The following GBA2 variants were observed in gnomAD, a reference collection of about 807,000 sequenced individuals.
The protein encoded by GBA2 is glucosylceramidase beta 2.
GBA2 carries 79 observed loss-of-function variants against 112.9 expected under a neutral mutation model. That is an observed-to-expected ratio of 0.70 (90% CI 0.58 to 0.84). GBA2 has a LOEUF of 0.84. GBA2 is among the 40% of genes least tolerant of loss of function. The pLI is 0.00. For synonymous variants in GBA2, 403 were observed against 434.3 expected (o/e 0.93, Z 0.90); for missense variants, 1,043 against 1,190.0 (o/e 0.88, Z 1.82).
In GBA2 at chr9:35,740,196, T is replaced by A. The variant is rs1826565188; in HGVS notation, c.1283+13A>T. ...CAGCACTCTGGATCCTTACACTTTC[T>A]TGGTCCCCTCACCTGTAGTGGACTT... On this transcript the variant is annotated intron_variant, in intron 7 of 16. Coordinates refer to ENST00000378103, the MANE Select transcript of GBA2 (RefSeq NM_020944.3). The surrounding 1 kb of genome is among the most constrained non-coding windows in gnomAD (Gnocchi z 4.7). 6.2e-7 allele frequency: 1 copy of A among 1,614,070 alleles called. No individual in the cohort carries two copies. Among genetic ancestry groups the A allele is most frequent in the Non-Finnish European group, 8.5e-7 (1 of 1,179,950 alleles).
chr9:35,744,361 C>G lies in GBA2; in HGVS notation c.503G>C (p.Gly168Ala). ...GGGTITRGWR[G>A]QFCRWQLNPG... Reference sequence around the variant, plus strand: ...GTTAAGCTGCCAACGACAGAACTGGCCTCTCCAGCCACGGGTAATAGTGCC... The same window carrying G: ...GTTAAGCTGCCAACGACAGAACTGGGCTCTCCAGCCACGGGTAATAGTGCC... Residue 168 changes from glycine (G) to alanine (A), a missense_variant, in exon 3 of 17, where the codon GGC (glycine) becomes GCC (alanine). By Grantham distance (60) the Gly-to-Ala change is moderately conservative (BLOSUM62 0). Transcript: ENST00000378103. 1 of 1,613,564 alleles carries G rather than the reference C, an allele frequency of 6.2e-7. No homozygotes were observed. Among genetic ancestry groups the G allele is most frequent in the Non-Finnish European group, 8.5e-7 (1 of 1,179,492 alleles).
At position 35,738,218 on chromosome 9, in the gene GBA2, C is replaced by A; in HGVS notation, c.2197+14G>T. 2 of 1,614,124 alleles carry A rather than the reference C, an allele frequency of 1.2e-6. No homozygotes were observed. Among genetic ancestry groups the A allele is most frequent in the Non-Finnish European group, 1.7e-6 (2 of 1,179,984 alleles). ...CTCAGCTGCCTTAAGACTACTTAGGCTCCCCGAACTCACCATTCCACAGCA... is the reference window on the plus strand; with the variant it reads ...CTCAGCTGCCTTAAGACTACTTAGGATCCCCGAACTCACCATTCCACAGCA... On this transcript the variant is annotated intron_variant, in intron 14 of 16. Transcript: ENST00000378103.
In GBA2 at chr9:35,739,315, C is replaced by T. The variant is rs1826481692; in HGVS notation, c.1687G>A (p.Ala563Thr). 1 of 1,597,768 alleles carries T rather than the reference C, an allele frequency of 6.3e-7. No individual in the cohort carries two copies. Among genetic ancestry groups the T allele is most frequent in the Non-Finnish European group, 8.6e-7 (1 of 1,165,176 alleles). ...GAAGCGGCACAAAAGGGATCCTCAC[C>T]CATGTCATACTGTAGGCTGAGCTCA... ...KLELSLQYDM[A>T]LATLREDLTR... The change falls in exon 10 of 17, where the codon GCT becomes ACT. Residue 563 changes from alanine to threonine, a missense_variant and splice_region_variant. Ala to Thr is a moderately conservative substitution (Grantham distance 58, BLOSUM62 0). Coordinates refer to ENST00000378103, the MANE Select transcript of GBA2 (RefSeq NM_020944.3).
chr9:35,741,117 C>T lies in GBA2; in HGVS notation c.787-53G>A. The T allele has an allele frequency of 6.2e-7, 1 of 1,600,722 alleles. No individual in the cohort carries two copies. The highest frequency in any genetic ancestry group is 1.7e-4 in the Middle Eastern group (1 of 6,026). On this transcript the variant is annotated intron_variant, in intron 4 of 16. Transcript: ENST00000378103. The surrounding 1 kb of genome is among the most constrained non-coding windows in gnomAD (Gnocchi z 4.6). ...GTCCCAGTAGAGCGCCTCCTGACCC[C>T]ACTCTGCTAGGATCAGTCCTGGGCA...
Position 35,741,461 on chromosome 9 carries a change from A to ATT in GBA2, c.786+209_786+210dup. The ATT allele has an allele frequency of 5.8e-5, 26 of 449,638 alleles. No individual in the cohort carries two copies. The highest frequency in any genetic ancestry group is 7.3e-5 in the Admixed American group (2 of 27,562). The allele number at this position is 449,638 out of a possible 1,614,324, so 27.9% of individuals were successfully genotyped here. A position where few individuals can be genotyped will look rare whatever the true frequency, so the allele number is the denominator to read the frequency against. Reference sequence around the variant, plus strand: ...AGGTGCCTGCCACAACGCCCAGCTAATTTTTTTTTTTGTATTTTTAGTAGA... The same window carrying ATT: ...AGGTGCCTGCCACAACGCCCAGCTAATTTTTTTTTTTTTGTATTTTTAGTAGA... On this transcript the variant is annotated intron_variant, in intron 4 of 16. Coordinates refer to ENST00000378103, the MANE Select transcript of GBA2 (RefSeq NM_020944.3). This position sits in a 1 kb window ranked among gnomAD's most constrained non-coding sequence, Gnocchi z 4.6.
chr9:35,740,278 C>A lies in GBA2; in HGVS notation c.1214G>T (p.Arg405Leu), dbSNP rs138013344. The A allele has an allele frequency of 6.2e-7, 1 of 1,614,102 alleles. No homozygotes were observed. The highest frequency in any genetic ancestry group is 8.5e-7 in the Non-Finnish European group (1 of 1,179,986). Residue 405 changes from arginine to leucine, a missense_variant, in exon 7 of 17, where the codon CGC becomes CTC. Physicochemically the swap from Arg to Leu is moderately radical, Grantham distance 102. Transcript: ENST00000378103. The surrounding 1 kb of genome is among the most constrained non-coding windows in gnomAD (Gnocchi z 4.7). Reference sequence around the variant, plus strand: ...GTCCCAAGCCAGTGAAAACTCCAGGCGGCACTGGCCTCGAGGTCGCAACTT... The same window carrying A: ...GTCCCAAGCCAGTGAAAACTCCAGGAGGCACTGGCCTCGAGGTCGCAACTT... ...SSKLRPRGQC[R>L]LEFSLAWDMP...
At position 35,738,603 on chromosome 9, in the gene GBA2, G is replaced by A. The variant is rs1049791448; in HGVS notation, c.1977C>T (p.Asp659=). 1 of 1,613,778 alleles carries A rather than the reference G, an allele frequency of 6.2e-7. No homozygotes were observed. Among genetic ancestry groups the A allele is most frequent in the Non-Finnish European group, 8.5e-7 (1 of 1,179,674 alleles). The change falls in exon 13 of 17, where the codon GAC becomes GAT. Residue 659 remains aspartate, a synonymous_variant. Coordinates refer to ENST00000378103, the MANE Select transcript of GBA2 (RefSeq NM_020944.3). ...TTTCAATGAGTCCATCATGGTCCTTGTCAAACTTCATTTCAGATTCCATCA... is the reference window on the plus strand; with the variant it reads ...TTTCAATGAGTCCATCATGGTCCTTATCAAACTTCATTTCAGATTCCATCA... ...LAVMESEMKF[D]KDHDGLIENG... is the part of the protein sequence containing the mutation.
At position 35,738,638 on chromosome 9, in the gene GBA2, G is replaced by A; in HGVS notation, c.1948-6C>T. On this transcript the variant is annotated splice_polypyrimidine_tract_variant and splice_region_variant and intron_variant, in intron 12 of 16. Coordinates refer to ENST00000378103, the MANE Select transcript of GBA2 (RefSeq NM_020944.3). ...ATTTCAGATTCCATCACAGCCTAGAGAGGGACCAAGATGTTGAAGACCTAG... is the reference window on the plus strand; with the variant it reads ...ATTTCAGATTCCATCACAGCCTAGAAAGGGACCAAGATGTTGAAGACCTAG... 6.2e-7 allele frequency: 1 copy of A among 1,609,266 alleles called. No individual in the cohort carries two copies. The highest frequency in any genetic ancestry group is 8.5e-7 in the Non-Finnish European group (1 of 1,175,560).
Position 35,748,530 on chromosome 9 carries a change from A to C in GBA2, c.175T>G (p.Cys59Gly), listed in dbSNP as rs1056543949. ...EDSRPPKETD[C>G]CNPEDSGQLM... is the part of the protein sequence containing the mutation. ...TGCCCAGAGTCCTCCGGATTGCAGC[A>C]GTCCGTCTCTTTTGGGGGTCGGCTG... The change falls in exon 1 of 17, where the codon TGC (cysteine) becomes GGC (glycine). Residue 59 changes from cysteine to glycine, a missense_variant. Physicochemically the swap from Cys to Gly is radical, Grantham distance 159. Transcript: ENST00000378103. The C allele has an allele frequency of 1.2e-6, 2 of 1,614,114 alleles. No homozygotes were observed. Among genetic ancestry groups the C allele is most frequent in the Admixed American group, 3.3e-5 (2 of 60,004 alleles).
chr9:35,744,994 G>A (rs1364986951), intron 1 of GBA2, among the ~76,000 whole-genome samples: 1 of 152,096 alleles, frequency 6.6e-6, no homozygotes, highest in Non-Finnish European at 1.5e-5. Flanking sequence ...TCCAACATCA[G>A]GAGCTTCTGT....
rs1178024751 is a variant in GBA2, at chr9:35,746,044, C to T, written c.360-1338G>A. On this transcript the variant is annotated intron_variant, in intron 1 of 16. Transcript: ENST00000378103. The surrounding 1 kb of genome is among the most constrained non-coding windows in gnomAD (Gnocchi z 5.2). ...ATTACTCATATATACAAACTGTTAT[C>T]TCAATTCCTAATCAGACATTGCCTT... 2.6e-5 allele frequency among the ~76,000 whole-genome samples: 4 copies of T among 152,218 alleles called. No individual in the cohort carries two copies. The highest frequency in any genetic ancestry group is 5.9e-5 in the Non-Finnish European group (4 of 68,044).
chr9:35,741,332 T>G lies in GBA2; in HGVS notation c.787-268A>C. On this transcript the variant is annotated intron_variant, in intron 4 of 16. Transcript: ENST00000378103. This position sits in a 1 kb window ranked among gnomAD's most constrained non-coding sequence, Gnocchi z 4.6. ...TCACAGGCCATGCAGTTTCTTTTTT[T>G]TTTTTTTTGGGGGGTGCGGTGGCGC... 3.8e-6 allele frequency: 2 copies of G among 524,486 alleles called. No individual in the cohort carries two copies. Among genetic ancestry groups the G allele is most frequent in the Non-Finnish European group, 6.7e-6 (2 of 297,958 alleles). The allele number at this position is 524,486 out of a possible 1,614,324, so 32.5% of individuals were successfully genotyped here.
chr9:35,747,532 C>T (rs777830102), intron 1 of GBA2, among the ~76,000 whole-genome samples: 8 of 152,204 alleles, frequency 5.3e-5, no homozygotes, highest in Admixed American at 3.3e-4. Context: ...TGAAGGGTCT[C>T]CTACTCTAGA....
rs1588004284 is a variant in GBA2, at chr9:35,738,035, A to C, written c.2313+2T>G. 6.2e-7 allele frequency: 1 copy of C among 1,601,934 alleles called. No individual in the cohort carries two copies. ...CTCTGGCTGCTCCTCCTCCTCTCTC[A>C]CCTCAGTGTCTCCTTCTCCTAGGCC... On this transcript the variant is annotated splice_donor_variant, in intron 15 of 16. Transcript: ENST00000378103. LOFTEE classifies it high-confidence loss of function.
chr9:35,741,003 A>G lies in GBA2; in HGVS notation c.848T>C (p.Leu283Pro). 5 of 1,613,944 alleles carry G rather than the reference A, an allele frequency of 3.1e-6. No individual in the cohort carries two copies. The highest frequency in any genetic ancestry group is 2.2e-5 in the South Asian group (2 of 91,086). ...WDVENEGDEA[L>P]DVSIMFSMRN... Reference sequence around the variant, plus strand: ...CATGGAGAACATGATGGACACATCTAGAGCTTCGTCCCCTTCATTTTCCAC... The same window carrying G: ...CATGGAGAACATGATGGACACATCTGGAGCTTCGTCCCCTTCATTTTCCAC... The change falls in exon 5 of 17, where the codon CTA becomes CCA. Residue 283 changes from leucine to proline, a missense_variant. By Grantham distance (98) the Leu-to-Pro change is moderately conservative. Transcript: ENST00000378103. The surrounding 1 kb of genome is among the most constrained non-coding windows in gnomAD (Gnocchi z 4.6).
At chr9:35,744,817 C>T in intron 1 of GBA2, 111 bp from the exon 2 acceptor site, 1 of 685,174 alleles carries the variant, frequency 1.5e-6, no homozygotes, top group South Asian at 1.6e-5. Flanking sequence ...AGGACATCTG[C>T]TTTCAAACCT....
chr9:35,738,185 G>A (rs1282709817), intron 14 of GBA2, 33 bp from the exon 15 acceptor site: 1 of 1,613,054 alleles, frequency 6.2e-7, no homozygotes, highest in South Asian at 1.1e-5. Flanking sequence ...TAAGGCTCCT[G>A]GTGTCCTCTC....
At chr9:35,747,573 T>C (rs1372492878) in intron 1 of GBA2, among the ~76,000 whole-genome samples, 1 of 152,222 alleles carries the variant, frequency 6.6e-6, no homozygotes, top group Non-Finnish European at 1.5e-5. Context: ...CCAAGCTTTA[T>C]GCCTCCCTCC....
rs1325313426 is a variant in GBA2, at chr9:35,740,776, G to T, written c.1026+49C>A. On this transcript the variant is annotated intron_variant, in intron 5 of 16. Coordinates refer to ENST00000378103, the MANE Select transcript of GBA2 (RefSeq NM_020944.3). The surrounding 1 kb of genome is among the most constrained non-coding windows in gnomAD (Gnocchi z 4.7). ...GGGTGGATGAAGAGACCATGCTGGG[G>T]TGGAGGTGGGGTTCAGGGGCTAAGG... 1 of 1,604,416 alleles carries T rather than the reference G, an allele frequency of 6.2e-7. No individual in the cohort carries two copies. Among genetic ancestry groups the T allele is most frequent in the African/African-American group, 1.3e-5 (1 of 74,716 alleles).
Sources: gnomAD v4.1 joint callset for allele counts (sites outside exome capture counted in the v4.1 genomes callset) on GRCh38, gnomAD v4.1.1 for gene constraint, Gnocchi (gnomAD v3.1) non-coding constraint, MANE v1.5 for transcripts, NCBI Gene and HGNC (gene_info 2026-07-23, HGNC 2026-07-21) for gene names.